The following ABCC4 variants were observed in gnomAD, a reference collection of about 807,000 sequenced individuals.
ABCC4 encodes ATP binding cassette subfamily C member 4 (PEL blood group), also known as ATP-binding cassette sub-family C member 4.
A neutral mutation model predicts 168.5 loss-of-function variants in ABCC4; 102 were observed. That is an observed-to-expected ratio of 0.61 (90% CI 0.52 to 0.71). ABCC4 has a LOEUF of 0.71. ABCC4 is among the 30% of genes least tolerant of loss of function. ABCC4 has a pLI of 0.00. For synonymous variants in ABCC4, 617 were observed against 590.7 expected (o/e 1.04, Z -0.65); for missense variants, 1,402 against 1,605.8 (o/e 0.87, Z 2.17).
chr13:95,293,890 C>T (rs1304390150), intron 1 of ABCC4, among the ~76,000 whole-genome samples: 1 of 151,628 alleles, frequency 6.6e-6, no homozygotes. Context: ...AAGCGATTCT[C>T]CTGCTCGGTC....
intron 27 of ABCC4, among the ~76,000 whole-genome samples, chr13:95,046,933 C>A (rs2032604385): frequency 6.6e-6 from 1 of 152,084 alleles, no homozygotes; most frequent in Admixed American, 6.5e-5. Context: ...TTACATTACT[C>A]TTCAATTTCT....
At chr13:95,177,010 G>C (rs1030898845) in intron 13 of ABCC4, among the ~76,000 whole-genome samples, 2 of 152,180 alleles carry the variant, frequency 1.3e-5, no homozygotes, top group South Asian at 4.1e-4. Context: ...GAAACACCAC[G>C]TAAGAGTTGG....
intron 27 of ABCC4, 75 bp downstream of exon 27, chr13:95,053,020 T>A: frequency 1.5e-6 from 2 of 1,308,778 alleles, no homozygotes; most frequent in Non-Finnish European, 2.2e-6. Context: ...CCTCTTAATT[T>A]CCTGCAATGC....
chr13:95,113,385 C>A (rs1307147451), intron 20 of ABCC4, among the ~76,000 whole-genome samples: 2 of 152,076 alleles, frequency 1.3e-5, no homozygotes, highest in Non-Finnish European at 2.9e-5. Flanking sequence ...TTATAACTAA[C>A]AGGTTTTAAA....
intron 19 of ABCC4, among the ~76,000 whole-genome samples, chr13:95,136,663 G>A (rs900294969): frequency 6.6e-6 from 1 of 152,198 alleles, no homozygotes; most frequent in African/African-American, 2.4e-5. Flanking sequence ...AACTCGGAAA[G>A]ACAGGAAATT....
chr13:95,159,162 T>C (rs1339165828), intron 19 of ABCC4, among the ~76,000 whole-genome samples: 1 of 137,934 alleles, frequency 7.2e-6, no homozygotes. Flanking sequence ...ATCAGTAATG[T>C]GAATTCTGAG....
At chr13:95,088,651 CTT>C (rs2034333780) in intron 20 of ABCC4, among the ~76,000 whole-genome samples, 2 of 151,946 alleles carry the variant, frequency 1.3e-5, no homozygotes, top group African/African-American at 4.8e-5. Flanking sequence ...AAATTAGAAA[CTT>C]TTCAAATAAA....
At chr13:95,254,937 C>A (rs939973041) in intron 1 of ABCC4, among the ~76,000 whole-genome samples, 2 of 152,136 alleles carry the variant, frequency 1.3e-5, no homozygotes, top group African/African-American at 2.4e-5. Context: ...AGATTTGTCA[C>A]GTGAATGAAC....
chr13:95,236,598 GCGCGCACACA>G (rs746643443), intron 3 of ABCC4, among the ~76,000 whole-genome samples: 14 of 139,962 alleles, frequency 1.0e-4, no homozygotes, highest in Admixed American at 2.1e-4. Context: ...ACGCGCGCGT[GCGCGCACACA>G]CACACACACA....
intron 14 of ABCC4, 46 bp from the exon 15 acceptor site, chr13:95,166,413 T>C (rs1335465245): frequency 8.7e-6 from 13 of 1,495,600 alleles, no homozygotes; most frequent in South Asian, 1.2e-5. Flanking sequence ...GTGCAGGTGA[T>C]AATGTTAACC....
chr13:95,189,276 G>A (rs1353236887), intron 9 of ABCC4, among the ~76,000 whole-genome samples: 1 of 151,234 alleles, frequency 6.6e-6, no homozygotes, highest in African/African-American at 2.4e-5. Context: ...TGGGACTACA[G>A]GCGCCTGCCA....
chr13:95,192,141 CCT>C (rs1370953756), intron 9 of ABCC4, among the ~76,000 whole-genome samples: 1 of 152,214 alleles, frequency 6.6e-6, no homozygotes, highest in African/African-American at 2.4e-5. Flanking sequence ...AGCCCAAGCC[CCT>C]GTTTTATAAA....
chr13:95,036,139 C>A (rs1396145396), intron 29 of ABCC4, among the ~76,000 whole-genome samples: 1 of 152,102 alleles, frequency 6.6e-6, no homozygotes, highest in Non-Finnish European at 1.5e-5. Context: ...CAGAACATAA[C>A]CACTCCTCCT....
chr13:95,058,610 G>GA (rs1312398052), intron 26 of ABCC4, among the ~76,000 whole-genome samples: 2 of 121,176 alleles, frequency 1.7e-5, no homozygotes, highest in South Asian at 2.8e-4. Context: ...AAAAGAAAAA[G>GA]AAAAGAAAAA....
intron 1 of ABCC4, among the ~76,000 whole-genome samples, chr13:95,282,279 A>T (rs2138920440): frequency 6.6e-6 from 1 of 152,296 alleles, no homozygotes; most frequent in East Asian, 1.9e-4. Context: ...GACTTAGAGA[A>T]ACAAGGACTC....
At chr13:95,273,919 C>A (rs953599145) in intron 1 of ABCC4, among the ~76,000 whole-genome samples, 2 of 151,038 alleles carry the variant, frequency 1.3e-5, no homozygotes, top group African/African-American at 2.4e-5. Flanking sequence ...GGGGTTCACG[C>A]GATATCTGAT....
intron 1 of ABCC4, among the ~76,000 whole-genome samples, chr13:95,249,412 C>T (rs1334594821): frequency 6.6e-6 from 1 of 152,134 alleles, no homozygotes; most frequent in Admixed American, 6.5e-5. Flanking sequence ...CCATGGGGAA[C>T]CCACTGCCTG....
chr13:95,134,572 T>C (rs1441740358), intron 19 of ABCC4, among the ~76,000 whole-genome samples: 1 of 151,926 alleles, frequency 6.6e-6, no homozygotes, highest in African/African-American at 2.4e-5. Flanking sequence ...ATACAAAAGC[T>C]AGCCGGAGGA....
chr13:95,247,572 A>G, intron 2 of ABCC4, 71 bp downstream of exon 2: 1 of 1,208,322 alleles, frequency 8.3e-7, no homozygotes, highest in Admixed American at 1.8e-5. Flanking sequence ...AGGACCCAGG[A>G]AGGCAAAACC....
Sources: allele counts gnomAD v4.1 joint callset (sites outside exome capture counted in the v4.1 genomes callset), GRCh38; gene constraint gnomAD v4.1.1; transcripts MANE v1.5; gene names NCBI Gene and HGNC (gene_info 2026-07-23, HGNC 2026-07-21).